DCC: variants seen among roughly 807,000 people sequenced by gnomAD.
The protein encoded by DCC is DCC netrin 1 receptor.
DCC carries 58 observed loss-of-function variants against 172.5 expected under a neutral mutation model. The ratio of observed to expected loss-of-function variants is 0.34; its 90% CI spans 0.27 to 0.42. The LOEUF is 0.42. Ranked by LOEUF, DCC falls within the 10% of genes least tolerant of loss-of-function variation. DCC has a pLI of 1.00. For missense variants in DCC, 1,740 were observed against 1,791.0 expected (o/e 0.97, Z 0.51); for synonymous variants, 709 against 644.5 (o/e 1.10, Z -1.52).
intron 1 of DCC, among the ~76,000 whole-genome samples, chr18:52,551,415 C>A (rs1257987043): frequency 1.3e-5 from 2 of 151,840 alleles, no homozygotes. Context: ...TAAAGAAAAC[C>A]TCAGTGACGC....
In DCC at chr18:52,471,870, G is replaced by A. The variant is rs191262218; in HGVS notation, c.91+130992G>A. On this transcript the variant is annotated intron_variant, in intron 1 of 28. Coordinates refer to ENST00000442544, the MANE Select transcript of DCC (RefSeq NM_005215.4). ...TTCTCATTATTGTTTCCCTCATAGA[G>A]AAATGTTTGATATTCTGTCTTATGT... Among the ~76,000 whole-genome samples, 612 of 152,266 alleles carry A rather than the reference G, an allele frequency of 4.0e-3. 3 individuals carry two copies. Among genetic ancestry groups the A allele is most frequent in the Non-Finnish European group, 6.9e-3 (471 of 68,016 alleles).
intron 12 of DCC, among the ~76,000 whole-genome samples, chr18:53,259,986 T>G (rs1228980454): frequency 6.6e-6 from 1 of 152,230 alleles, no homozygotes. Context: ...TTCTTCCAGT[T>G]GAGCAAATTG....
intron 5 of DCC, among the ~76,000 whole-genome samples, chr18:52,955,627 G>C (rs896649220): frequency 2.0e-5 from 3 of 152,044 alleles, no homozygotes; most frequent in African/African-American, 7.2e-5. Context: ...CTGCCAAACT[G>C]TCCTTCAAAG....
chr18:52,802,442 A>G (rs2038007890), intron 2 of DCC, among the ~76,000 whole-genome samples: 1 of 148,708 alleles, frequency 6.7e-6, no homozygotes, highest in Admixed American at 6.8e-5. Flanking sequence ...CAACCCCCAC[A>G]CAATCAAAAA....
chr18:53,314,766 A>G (rs750504932), intron 13 of DCC, among the ~76,000 whole-genome samples: 2 of 152,204 alleles, frequency 1.3e-5, no homozygotes, highest in African/African-American at 2.4e-5. Context: ...GACATTTGGC[A>G]GGATTTTCAG....
intron 13 of DCC, among the ~76,000 whole-genome samples, chr18:53,313,021 G>GGAAGAAGGGAGGGAAGGGAAGAAGGAGGA: frequency 1.4e-5 from 1 of 71,470 alleles, no homozygotes; most frequent in East Asian, 4.4e-4. Flanking sequence ...AGGAAGAAAG[G>GGAAGAAGGGAGGGAAGGGAAGAAGGAGGA]AAGGGAAGAA....
chr18:52,951,636 C>T (rs185305356), intron 5 of DCC, among the ~76,000 whole-genome samples: 31 of 152,286 alleles, frequency 2.0e-4, no homozygotes, highest in Non-Finnish European at 3.7e-4. Context: ...TGGCTGCATA[C>T]AAGTCTTTTC....
At chr18:53,227,698 A>G (rs1226652017) in intron 12 of DCC, among the ~76,000 whole-genome samples, 1 of 152,188 alleles carries the variant, frequency 6.6e-6, no homozygotes, top group Non-Finnish European at 1.5e-5. Context: ...TCTTAATGCA[A>G]CTGGTGGAAA....
chr18:53,309,945 C>CGTGTGTATATATATATATATAT (rs2057246084), intron 13 of DCC, among the ~76,000 whole-genome samples: 2 of 98,888 alleles, frequency 2.0e-5, no homozygotes, highest in South Asian at 3.0e-4. Context: ...TATATATATA[C>CGTGTGTATATATATATATATAT]ATGTATATAT....
intron 1 of DCC, among the ~76,000 whole-genome samples, chr18:52,681,291 G>A (rs12964850): frequency 0.46 from 69,539 of 151,224 alleles, 16,066 homozygotes; most frequent in Non-Finnish European, 0.5. Context: ...CTTATCCTCC[G>A]TCCATTGCTC....
chr18:52,645,355 A>G (rs2034999392), intron 1 of DCC, among the ~76,000 whole-genome samples: 2 of 152,184 alleles, frequency 1.3e-5, no homozygotes, highest in South Asian at 4.1e-4. Context: ...TTTCATTGAC[A>G]TAAACCACCT....
intron 1 of DCC, among the ~76,000 whole-genome samples, chr18:52,589,055 C>T (rs2033741408): frequency 6.6e-6 from 1 of 152,156 alleles, no homozygotes; most frequent in Admixed American, 6.5e-5. Context: ...ATAGAAGGAA[C>T]AGGACATGTC....
intron 15 of DCC, among the ~76,000 whole-genome samples, chr18:53,347,920 A>T (rs1568072132): frequency 6.6e-6 from 1 of 152,154 alleles, no homozygotes; most frequent in Non-Finnish European, 1.5e-5. Flanking sequence ...CTCCCACTAG[A>T]TTCCTCCTAC....
At chr18:53,038,976 G>A (rs2143989245) in intron 5 of DCC, among the ~76,000 whole-genome samples, 1 of 152,032 alleles carries the variant, frequency 6.6e-6, no homozygotes, top group East Asian at 2.0e-4. Flanking sequence ...ACACAATTGT[G>A]TGTCACCTAA....
intron 2 of DCC, among the ~76,000 whole-genome samples, chr18:52,795,051 G>A (rs1237512409): frequency 6.6e-6 from 1 of 151,764 alleles, no homozygotes. Context: ...AAGGTTTTTT[G>A]CATCTGTATT....
Position 53,494,471 on chromosome 18 carries a change from C to T in DCC, c.3899-4827C>T, listed in dbSNP as rs190039048. Reference sequence around the variant, plus strand: ...AAATCTCTTTGTAGGTCTATAAGAACTTGCTTTATGAATCTGGGTGCTCCT... The same window carrying T: ...AAATCTCTTTGTAGGTCTATAAGAATTTGCTTTATGAATCTGGGTGCTCCT... On this transcript the variant is annotated intron_variant, in intron 26 of 28. Coordinates refer to ENST00000442544, the MANE Select transcript of DCC (RefSeq NM_005215.4). Among the ~76,000 whole-genome samples the T allele has an allele frequency of 1.7e-3, 254 of 152,316 alleles. 1 individual carries two copies. Among genetic ancestry groups the T allele is most frequent in the African/African-American group, 5.8e-3 (240 of 41,568 alleles).
chr18:52,357,801 G>A (rs1181640967), intron 1 of DCC, among the ~76,000 whole-genome samples: 1 of 152,070 alleles, frequency 6.6e-6, no homozygotes, highest in East Asian at 1.9e-4. Flanking sequence ...AGCTGGGCGT[G>A]GTGGCGGGTG....
chr18:53,024,312 GTTCTT>G (rs2041925814), intron 5 of DCC, among the ~76,000 whole-genome samples: 1 of 152,128 alleles, frequency 6.6e-6, no homozygotes, highest in Non-Finnish European at 1.5e-5. Context: ...TGGACCTGAT[GTTCTT>G]TTGAGTATAA....
At chr18:52,738,745 GT>G (rs576773481) in intron 1 of DCC, among the ~76,000 whole-genome samples, 89 of 138,660 alleles carry the variant, frequency 6.4e-4, no homozygotes, top group African/African-American at 1.2e-3. Context: ...TTCTTTCTTT[GT>G]TTTTTTTTTT....
Sources: gnomAD v4.1 joint callset for allele counts (sites outside exome capture counted in the v4.1 genomes callset) on GRCh38, gnomAD v4.1.1 for gene constraint, MANE v1.5 for transcripts, NCBI Gene and HGNC (gene_info 2026-07-23, HGNC 2026-07-21) for gene names.